TMEM65: variants seen among roughly 807,000 people sequenced by gnomAD.
TMEM65 encodes transmembrane protein 65.
In TMEM65, 22 loss-of-function variants were observed where a neutral mutation model predicts 25.4. The observed-to-expected ratio is 0.86, with a 90% CI of 0.62 to 1.23. The LOEUF is 1.23. Among genes scored for constraint, TMEM65 ranks in the 50% most tolerant of loss-of-function variants. The pLI is 0.00. For synonymous variants in TMEM65, 132 were observed against 126.2 expected (o/e 1.05, Z -0.31); for missense variants, 262 against 308.2 (o/e 0.85, Z 1.12).
At chr8:124,323,087 C>T (rs944198044) in intron 4 of TMEM65, among the ~76,000 whole-genome samples, 7 of 151,886 alleles carry the variant, frequency 4.6e-5, no homozygotes, top group African/African-American at 9.7e-5. Context: ...CTTGTCTTAA[C>T]GAAATCAATA....
chr8:124,364,888 C>T (rs1015482334), intron 1 of TMEM65, among the ~76,000 whole-genome samples: 5 of 152,160 alleles, frequency 3.3e-5, no homozygotes, highest in Non-Finnish European at 5.9e-5. Context: ...AAAATCTACA[C>T]TCAAGGATTT....
intron 1 of TMEM65, among the ~76,000 whole-genome samples, chr8:124,344,516 CT>C (rs1814620507): frequency 6.6e-6 from 1 of 152,134 alleles, no homozygotes; most frequent in Non-Finnish European, 1.5e-5. Flanking sequence ...AGCATCATTC[CT>C]TTGGACTCTG....
chr8:124,331,914 G>T (rs1814436974), intron 1 of TMEM65, among the ~76,000 whole-genome samples: 1 of 151,906 alleles, frequency 6.6e-6, no homozygotes, highest in African/African-American at 2.4e-5. Context: ...AGGAAATATG[G>T]TCCACATTAG....
chr8:124,361,643 G>GCC (rs895883944), intron 1 of TMEM65, among the ~76,000 whole-genome samples: 2 of 151,450 alleles, frequency 1.3e-5, no homozygotes, highest in African/African-American at 2.4e-5. Flanking sequence ...GACCAGTCTG[G>GCC]CCAACAAGGT....
intron 6 of TMEM65, among the ~76,000 whole-genome samples, chr8:124,314,616 T>G (rs1446536288): frequency 6.6e-6 from 1 of 152,110 alleles, no homozygotes; most frequent in East Asian, 1.9e-4. Flanking sequence ...TTATAAAAAT[T>G]TTATTTCATT....
chr8:124,336,883 C>A (rs1232889835), intron 1 of TMEM65, among the ~76,000 whole-genome samples: 1 of 151,628 alleles, frequency 6.6e-6, no homozygotes, highest in East Asian at 1.9e-4. Context: ...AAGACTCTAG[C>A]TATACTGATA....
At chr8:124,330,713 G>T (rs1814421254) in intron 2 of TMEM65, 35 bp downstream of exon 2, 1 of 1,583,472 alleles carries the variant, frequency 6.3e-7, no homozygotes, top group African/African-American at 1.4e-5. Context: ...CCAAAAGACA[G>T]ATGAACATAT....
chr8:124,369,557 A>G (rs1814985018), intron 1 of TMEM65, among the ~76,000 whole-genome samples: 1 of 152,248 alleles, frequency 6.6e-6, no homozygotes, highest in Admixed American at 6.5e-5. Context: ...AAGTACACTT[A>G]GTACACACAC....
intron 1 of TMEM65, among the ~76,000 whole-genome samples, chr8:124,346,724 C>T (rs1469820431): frequency 6.6e-6 from 1 of 152,122 alleles, no homozygotes; most frequent in African/African-American, 2.4e-5. Flanking sequence ...ACCCTAATAT[C>T]TTTCCCACAA....
chr8:124,333,207 G>A (rs73332159), intron 1 of TMEM65, among the ~76,000 whole-genome samples: 12,107 of 151,084 alleles, frequency 0.08, 537 homozygotes, highest in African/African-American at 0.13. Context: ...AATACAAAAC[G>A]GAACTTGTAA....
chr8:124,361,864 T>G (rs1814867297), intron 1 of TMEM65, among the ~76,000 whole-genome samples: 1 of 152,070 alleles, frequency 6.6e-6, no homozygotes, highest in Admixed American at 6.6e-5. Context: ...TAAATAATTT[T>G]TAAAAAGCAA....
In TMEM65 at chr8:124,372,195, C is replaced by A. The variant is rs7841552; in HGVS notation, c.-38G>T. The A allele has an allele frequency of 8.1e-7, 1 of 1,227,606 alleles. No homozygotes were observed. Among genetic ancestry groups the A allele is most frequent in the South Asian group, 1.6e-5 (1 of 61,816 alleles). The allele number at this position is 1,227,606 out of a possible 1,614,324, so 76.0% of individuals were successfully genotyped here. On this transcript the variant is annotated 5_prime_UTR_variant, in exon 1 of 7. Transcript: ENST00000297632. ...AGCTGGGACCCCCGCGGCCGTCCGGCAAGGCGGTTTCTGGCGCGGCTGAGG... is the reference window on the plus strand; with the variant it reads ...AGCTGGGACCCCCGCGGCCGTCCGGAAAGGCGGTTTCTGGCGCGGCTGAGG...
Position 124,365,474 on chromosome 8 carries a change from T to G in TMEM65, c.304+6380A>C, listed in dbSNP as rs369277291. 2.0e-5 allele frequency among the ~76,000 whole-genome samples: 3 copies of G among 152,352 alleles called. No homozygotes were observed. In the East Asian group the frequency reaches 5.8e-4, roughly 29 times the overall value. On this transcript the variant is annotated intron_variant, in intron 1 of 6. Coordinates refer to ENST00000297632, the MANE Select transcript of TMEM65 (RefSeq NM_194291.3). ...ATTACATGCAGCAGAAATAATGTTC[T>G]GGAACTTCAAAAGCTAGGTCATAAC... is the stretch of plus-strand genomic sequence containing the variant.
At chr8:124,362,677 G>GA (rs1040352831) in intron 1 of TMEM65, among the ~76,000 whole-genome samples, 1 of 49,224 alleles carries the variant, frequency 2.0e-5, no homozygotes, top group African/African-American at 8.3e-5. Flanking sequence ...AAAAAAAATA[G>GA]AAAAAATGCT....
chr8:124,366,277 G>C (rs1814937280), intron 1 of TMEM65, among the ~76,000 whole-genome samples: 1 of 152,198 alleles, frequency 6.6e-6, no homozygotes, highest in Non-Finnish European at 1.5e-5. Context: ...AGCCCCCTTG[G>C]AACATTTTCT....
chr8:124,354,900 G>A (rs1340715424), intron 1 of TMEM65, among the ~76,000 whole-genome samples: 2 of 152,118 alleles, frequency 1.3e-5, no homozygotes, highest in African/African-American at 4.8e-5. Context: ...TGATTTAGGA[G>A]AGGAGAAAAA....
Position 124,364,269 on chromosome 8 carries a change from G to C in TMEM65, c.304+7585C>G, listed in dbSNP as rs369865362. 2.0e-3 allele frequency among the ~76,000 whole-genome samples: 312 copies of C among 152,244 alleles called. 3 individuals carry two copies. The highest frequency in any genetic ancestry group is 7.1e-3 in the African/African-American group (294 of 41,540). On this transcript the variant is annotated intron_variant, in intron 1 of 6. Transcript: ENST00000297632. ...AATCAGACTTTAGAAACAATAACAG[G>C]ATGTCATGAAGCAGACCTCCTTACA...
intron 1 of TMEM65, among the ~76,000 whole-genome samples, chr8:124,361,331 A>G (rs1814856859): frequency 1.3e-5 from 2 of 151,672 alleles, no homozygotes; most frequent in African/African-American, 4.8e-5. Flanking sequence ...GCTACTCCAG[A>G]GGCTGAGGCA....
At chr8:124,333,112 T>TA (rs1481126037) in intron 1 of TMEM65, among the ~76,000 whole-genome samples, 2 of 151,710 alleles carry the variant, frequency 1.3e-5, no homozygotes, top group Non-Finnish European at 2.9e-5. Context: ...CAATTTTTTT[T>TA]AAAATCAGAA....
Sources: gnomAD v4.1 joint callset for allele counts (sites outside exome capture counted in the v4.1 genomes callset) on GRCh38, gnomAD v4.1.1 for gene constraint, MANE v1.5 for transcripts, NCBI Gene and HGNC (gene_info 2026-07-23, HGNC 2026-07-21) for gene names.